Variants in TLN2 observed in about 807,000 individuals in gnomAD.
The protein encoded by TLN2 is talin 2, also known as talin-2.
A neutral mutation model predicts 294.7 loss-of-function variants in TLN2; 118 were observed. The observed-to-expected ratio is 0.40, with a 90% CI of 0.34 to 0.47. The LOEUF is 0.47. Among genes scored for constraint, TLN2 ranks in the 20% least tolerant of loss-of-function variants. TLN2 has a pLI of 0.84. For synonymous variants in TLN2, 1,431 were observed against 1,304.5 expected (o/e 1.10, Z -2.09); for missense variants, 3,083 against 3,282.2 (o/e 0.94, Z 1.48).
chr15:62,793,434 T>C (rs2065220155), intron 46 of TLN2, among the ~76,000 whole-genome samples: 1 of 152,196 alleles, frequency 6.6e-6, no homozygotes, highest in African/African-American at 2.4e-5. Flanking sequence ...TCCTCATCTG[T>C]AAAATGAGGA....
At chr15:62,800,790 T>A in intron 50 of TLN2, 21 bp downstream of exon 50, 3 of 1,592,898 alleles carry the variant, frequency 1.9e-6, no homozygotes, top group Non-Finnish European at 2.6e-6. Context: ...AGCAGTTACC[T>A]CCCTTGGGTA....
chr15:62,653,893 G>A (rs2052900045), intron 7 of TLN2, among the ~76,000 whole-genome samples: 1 of 152,058 alleles, frequency 6.6e-6, no homozygotes, highest in African/African-American at 2.4e-5. Flanking sequence ...GGTTGAACAA[G>A]TTAATTAGTT....
rs963564017 is a variant in TLN2, at chr15:62,653,987, T to C, written c.517+673T>C. Reference sequence around the variant, plus strand: ...TATATTTATGGGATGCATTGTGATATATCTGTGTAGACACTGAAGAAGGAT... The same window carrying C: ...TATATTTATGGGATGCATTGTGATACATCTGTGTAGACACTGAAGAAGGAT... On this transcript the variant is annotated intron_variant, in intron 7 of 58. Coordinates refer to ENST00000636159, the MANE Select transcript of TLN2 (RefSeq NM_015059.3). Among the ~76,000 whole-genome samples, 4 of 152,232 alleles carry C rather than the reference T, an allele frequency of 2.6e-5. No individual in the cohort carries two copies. The East Asian group carries it at 7.7e-4, about 29-fold the overall frequency.
intron 12 of TLN2, among the ~76,000 whole-genome samples, chr15:62,691,478 T>C (rs1440055582): frequency 1.3e-5 from 2 of 152,212 alleles, no homozygotes; most frequent in Non-Finnish European, 2.9e-5. Flanking sequence ...TTGAACTTTT[T>C]ATTCTTTAAA....
At chr15:62,761,417 G>A (rs1038793425) in intron 37 of TLN2, among the ~76,000 whole-genome samples, 16 of 152,174 alleles carry the variant, frequency 1.1e-4, no homozygotes, top group African/African-American at 3.9e-4. Flanking sequence ...TTAAATCTGT[G>A]TCTCTGCTTC....
intron 50 of TLN2, among the ~76,000 whole-genome samples, chr15:62,803,517 C>G (rs1192185521): frequency 6.6e-6 from 1 of 152,074 alleles, no homozygotes; most frequent in African/African-American, 2.4e-5. Context: ...TTTTTGTCTC[C>G]TCTATGTTTT....
chr15:62,831,640 C>G (rs1478529873), intron 54 of TLN2: 1 of 152,128 alleles, frequency 6.6e-6, no homozygotes, highest in South Asian at 2.1e-4. Flanking sequence ...GAACTAAATT[C>G]ATGTCTGTCC....
chr15:62,812,534 G>T (rs1174022626), intron 52 of TLN2, among the ~76,000 whole-genome samples: 1 of 152,206 alleles, frequency 6.6e-6, no homozygotes. Flanking sequence ...TTATTTAGGG[G>T]AGAGGAATTC....
intron 1 of TLN2, among the ~76,000 whole-genome samples, chr15:62,570,903 C>CTGTG (rs58523803): frequency 0.12 from 17,765 of 143,706 alleles, 1,096 homozygotes; most frequent in Non-Finnish European, 0.14. Context: ...GCACAGGCAT[C>CTGTG]TGTGTGTGTG....
intron 24 of TLN2, among the ~76,000 whole-genome samples, chr15:62,718,006 G>C (rs193216382): frequency 7.9e-5 from 12 of 152,346 alleles, no homozygotes; most frequent in East Asian, 3.9e-4. Flanking sequence ...AGTTTCCAGA[G>C]TGCCTTTCTT....
At chr15:62,510,167 T>C (rs935776117) in intron 1 of TLN2, among the ~76,000 whole-genome samples, 1 of 152,118 alleles carries the variant, frequency 6.6e-6, no homozygotes, top group African/African-American at 2.4e-5. Flanking sequence ...CCCAAATGGC[T>C]CGTGTTCAGC....
At position 62,842,678 on chromosome 15, in the gene TLN2, C is replaced by T. The variant is rs1217646445; in HGVS notation, c.*2068C>T. On this transcript the variant is annotated 3_prime_UTR_variant, in exon 59 of 59. Coordinates refer to ENST00000636159, the MANE Select transcript of TLN2 (RefSeq NM_015059.3). Reference sequence around the variant, plus strand: ...ACCTTGCCTCAGAGTCATTTAAAACCTTTACTGCATTTGATACCAGAAAAG... The same window carrying T: ...ACCTTGCCTCAGAGTCATTTAAAACTTTTACTGCATTTGATACCAGAAAAG... The T allele has an allele frequency of 6.6e-6, 1 of 152,186 alleles. No homozygotes were observed. Among genetic ancestry groups the T allele is most frequent in the African/African-American group, 2.4e-5 (1 of 41,438 alleles). The allele number at this position is 152,186 out of a possible 1,614,324, so 9.4% of individuals were successfully genotyped here. A position where few individuals can be genotyped will look rare whatever the true frequency, so the allele number is the denominator to read the frequency against.
At position 62,838,965 on chromosome 15, in the gene TLN2, T is replaced by G; in HGVS notation, c.7484T>G (p.Val2495Gly). The G allele has an allele frequency of 1.2e-6, 2 of 1,614,102 alleles. No individual in the cohort carries two copies. Among genetic ancestry groups the G allele is most frequent in the Non-Finnish European group, 1.7e-6 (2 of 1,179,998 alleles). ...DDDVVVKTKF[V>G]GGIAQIIAAQ... is the part of the protein sequence containing the mutation. The stretch of plus-strand genomic sequence containing the variant: ...GATGTTGTAGTGAAAACCAAGTTTG[T>G]GGGGGGCATTGCTCAGGTTTGTAAT... The change falls in exon 58 of 59, where the codon GTG becomes GGG. Residue 2495 changes from valine (V) to glycine (G), a missense_variant. Physicochemically the swap from Val to Gly is moderately radical, Grantham distance 109. Coordinates refer to ENST00000636159, the MANE Select transcript of TLN2 (RefSeq NM_015059.3).
chr15:62,701,088 C>G lies in TLN2; in HGVS notation c.1588-18C>G, dbSNP rs371766428. The G allele has an allele frequency of 6.2e-7, 1 of 1,606,896 alleles. No individual in the cohort carries two copies. Among genetic ancestry groups the G allele is most frequent in the Non-Finnish European group, 8.5e-7 (1 of 1,174,638 alleles). On this transcript the variant is annotated intron_variant, in intron 16 of 58. Coordinates refer to ENST00000636159, the MANE Select transcript of TLN2 (RefSeq NM_015059.3). ...ATTCTGTGCTGTGATTGTGTTGTGC[C>G]GTTGTCTGGCTTTGCAGGCATCTAG...
At chr15:62,678,776 A>C (rs1330272816) in intron 11 of TLN2, among the ~76,000 whole-genome samples, 4 of 152,230 alleles carry the variant, frequency 2.6e-5, no homozygotes. Context: ...GGTTGCAGTT[A>C]GCCAAAATTG....
intron 9 of TLN2, among the ~76,000 whole-genome samples, chr15:62,658,452 T>G (rs553615948): frequency 6.6e-6 from 1 of 152,300 alleles, no homozygotes; most frequent in Admixed American, 6.5e-5. Flanking sequence ...AACTTAACTT[T>G]TCTTCTGGTG....
At chr15:62,752,568 C>T in intron 35 of TLN2, 141 bp downstream of exon 35, 2 of 1,288,614 alleles carry the variant, frequency 1.6e-6, no homozygotes, top group Non-Finnish European at 2.1e-6. Context: ...CTGGCTGGGG[C>T]ATTTACACAA....
At chr15:62,508,874 A>G (rs1404952604) in intron 1 of TLN2, among the ~76,000 whole-genome samples, 1 of 152,222 alleles carries the variant, frequency 6.6e-6, no homozygotes, top group African/African-American at 2.4e-5. Context: ...GAATAGAATA[A>G]TAATCAATTA....
chr15:62,808,562 G>C (rs887499736), intron 51 of TLN2, among the ~76,000 whole-genome samples: 1 of 152,018 alleles, frequency 6.6e-6, no homozygotes, highest in Admixed American at 6.6e-5. Context: ...CCCGGTTACA[G>C]AGCCCCCAGC....
Sources: gnomAD v4.1 joint callset for allele counts (sites outside exome capture counted in the v4.1 genomes callset) on GRCh38, gnomAD v4.1.1 for gene constraint, MANE v1.5 for transcripts, NCBI Gene and HGNC (gene_info 2026-07-23, HGNC 2026-07-21) for gene names.